FAM83D: variants seen among roughly 807,000 people sequenced by gnomAD.
FAM83D encodes the protein scaffolding CK1 anchoring protein D, also known as protein FAM83D.
In FAM83D, 26 loss-of-function variants were observed where a neutral mutation model predicts 25.4. That is an observed-to-expected ratio of 1.02 (90% confidence interval 0.75 to 1.42). The LOEUF (loss-of-function observed/expected upper bound fraction) is 1.42. FAM83D is among the 40% of genes most tolerant of loss of function. The pLI is 0.00. For synonymous variants in FAM83D, 310 were observed against 318.5 expected (o/e 0.97, Z 0.28); for missense variants, 740 against 758.1 (o/e 0.98, Z 0.28).
In FAM83D at chr20:38,949,005, A is replaced by C. The variant is rs186856181; in HGVS notation, c.776+1005A>C. On this transcript the variant is annotated intron_variant, in intron 3 of 3. Transcript: ENST00000619850. ...AACCTAAGTAGGATTTATCTATATT[A>C]ACCAAACTTAGCTACAAATGGACTT... is the stretch of plus-strand genomic sequence containing the variant. Among the ~76,000 whole-genome samples, 93 of 152,350 alleles carry C rather than the reference A, an allele frequency of 6.1e-4. 2 individuals carry two copies. In the East Asian group the frequency reaches 0.017, roughly 28 times the overall value.
intron 2 of FAM83D, among the ~76,000 whole-genome samples, chr20:38,945,224 T>C (rs888635546): frequency 6.6e-6 from 1 of 152,114 alleles, no homozygotes; most frequent in African/African-American, 2.4e-5. Context: ...CATTCAGATG[T>C]GTGTCAAAGG....
chr20:38,932,685 A>C (rs1289937531), intron 1 of FAM83D, among the ~76,000 whole-genome samples: 1 of 152,156 alleles, frequency 6.6e-6, no homozygotes, highest in African/African-American at 2.4e-5. Context: ...GCCTGCCTGG[A>C]AGGGCTACAT....
intron 1 of FAM83D, among the ~76,000 whole-genome samples, chr20:38,938,204 G>A (rs891070954): frequency 2.6e-5 from 4 of 152,266 alleles, no homozygotes; most frequent in Non-Finnish European, 5.9e-5. Context: ...CAATTGTTTT[G>A]TTAAGTGGTG....
chr20:38,941,452 A>T (rs1287539834), intron 1 of FAM83D, among the ~76,000 whole-genome samples: 1 of 152,218 alleles, frequency 6.6e-6, no homozygotes, highest in African/African-American at 2.4e-5. Flanking sequence ...ATAATTTAAA[A>T]AATAGATTTC....
In FAM83D at chr20:38,926,644, A is replaced by C. The variant is rs1286558295; in HGVS notation, c.202A>C (p.Ile68Leu). 5.9e-6 allele frequency: 9 copies of C among 1,536,962 alleles called. No individual in the cohort carries two copies. The highest frequency in any genetic ancestry group is 7.8e-6 in the Non-Finnish European group (9 of 1,147,134). The change falls in exon 1 of 4, where the codon ATT (isoleucine) becomes CTT (leucine). Residue 68 changes from isoleucine to leucine, a missense_variant. By Grantham distance (5) the Ile-to-Leu change is conservative. This residue lies in a region of FAM83D where 333 missense variants were observed against 298.6 expected (regional missense o/e 1.12). Coordinates refer to ENST00000619850, the MANE Select transcript of FAM83D (RefSeq NM_030919.3). Reference protein sequence around the residue: ...RFLNPDEVHAILRAAERPGEE... With the variant: ...RFLNPDEVHALLRAAERPGEE... Reference sequence around the variant, plus strand: ...CCTGAACCCCGATGAGGTGCACGCCATTCTGCGCGCGGCGGAGAGGCCGGG... The same window carrying C: ...CCTGAACCCCGATGAGGTGCACGCCCTTCTGCGCGCGGCGGAGAGGCCGGG...
intron 1 of FAM83D, among the ~76,000 whole-genome samples, chr20:38,935,477 C>A (rs1216071812): frequency 6.6e-6 from 1 of 152,222 alleles, no homozygotes; most frequent in Non-Finnish European, 1.5e-5. Flanking sequence ...AGTTCTCATT[C>A]TGTTGCCCAG....
intron 1 of FAM83D, among the ~76,000 whole-genome samples, chr20:38,930,110 G>T (rs1249640521): frequency 6.6e-6 from 1 of 152,264 alleles, no homozygotes; most frequent in Non-Finnish European, 1.5e-5. Flanking sequence ...GGACAAGGGA[G>T]TGGCTGTGTC....
At position 38,934,061 on chromosome 20, in the gene FAM83D, G is replaced by A. The variant is rs544977035; in HGVS notation, c.483+7136G>A. ...AGTAGAAACAGGGTTTCACCATGTCGGCCAGCATGGTCTCAAGCTCCTGAC... is the reference window on the plus strand; with the variant it reads ...AGTAGAAACAGGGTTTCACCATGTCAGCCAGCATGGTCTCAAGCTCCTGAC... On this transcript the variant is annotated intron_variant, in intron 1 of 3. Transcript: ENST00000619850. Among the ~76,000 whole-genome samples, 360 of 151,962 alleles carry A rather than the reference G, an allele frequency of 2.4e-3. 1 individual carries two copies. The highest frequency in any genetic ancestry group is 8.2e-3 in the African/African-American group (341 of 41,446).
chr20:38,944,864 G>A (rs994294636), intron 2 of FAM83D, among the ~76,000 whole-genome samples: 5 of 151,798 alleles, frequency 3.3e-5, no homozygotes, highest in East Asian at 1.9e-4. Flanking sequence ...GCTTGAACCC[G>A]GGAGGCAGAG....
At chr20:38,941,446 TTTAAAAAATAG>T (rs1230532735) in intron 1 of FAM83D, among the ~76,000 whole-genome samples, 2 of 152,162 alleles carry the variant, frequency 1.3e-5, no homozygotes, top group African/African-American at 4.8e-5. Flanking sequence ...CAGACAATAA[TTTAAAAAATAG>T]ATTTCGAGAA....
intron 2 of FAM83D, among the ~76,000 whole-genome samples, chr20:38,945,499 A>G (rs1362340087): frequency 6.6e-6 from 1 of 152,194 alleles, no homozygotes; most frequent in East Asian, 1.9e-4. Flanking sequence ...CCACATGTTA[A>G]CATCTTACAA....
intron 2 of FAM83D, among the ~76,000 whole-genome samples, chr20:38,944,922 G>C (rs2085720394): frequency 6.7e-6 from 1 of 149,910 alleles, no homozygotes; most frequent in Non-Finnish European, 1.5e-5. Context: ...CTGGGCAACA[G>C]AGAGAGACTC....
At chr20:38,945,193 C>T (rs191438124) in intron 2 of FAM83D, among the ~76,000 whole-genome samples, 4 of 152,168 alleles carry the variant, frequency 2.6e-5, no homozygotes, top group East Asian at 1.9e-4. Context: ...GCTTTGGCCA[C>T]GATCACAGAG....
intron 3 of FAM83D, among the ~76,000 whole-genome samples, chr20:38,949,125 G>A (rs2085741832): frequency 6.6e-6 from 1 of 151,736 alleles, no homozygotes; most frequent in Non-Finnish European, 1.5e-5. Flanking sequence ...TCTTGGTGTT[G>A]GATAGGTGCT....
At chr20:38,949,472 A>C (rs2085743532) in intron 3 of FAM83D, among the ~76,000 whole-genome samples, 1 of 152,076 alleles carries the variant, frequency 6.6e-6, no homozygotes, top group South Asian at 2.1e-4. Flanking sequence ...GCCTCATTGA[A>C]GGCTTTCAAA....
chr20:38,930,468 T>A (rs2085654296), intron 1 of FAM83D, among the ~76,000 whole-genome samples: 1 of 151,086 alleles, frequency 6.6e-6, no homozygotes, highest in Non-Finnish European at 1.5e-5. Context: ...GCTCAAGTGT[T>A]TTTTTTTTGT....
At position 38,926,439 on chromosome 20, in the gene FAM83D, C is replaced by G; in HGVS notation, c.-4C>G. The G allele has an allele frequency of 6.3e-7, 1 of 1,598,352 alleles. No homozygotes were observed. Among genetic ancestry groups the G allele is most frequent in the South Asian group, 1.1e-5 (1 of 90,922 alleles). Reference sequence around the variant, plus strand: ...TCCGAGGGCTGTCGAGTCCGAGCGCCGCCATGGCTCTGCTGTCCGAGGGCC... The same window carrying G: ...TCCGAGGGCTGTCGAGTCCGAGCGCGGCCATGGCTCTGCTGTCCGAGGGCC... On this transcript the variant is annotated 5_prime_UTR_variant, in exon 1 of 4. Transcript: ENST00000619850.
At chr20:38,932,699 C>A (rs1206575218) in intron 1 of FAM83D, among the ~76,000 whole-genome samples, 2 of 152,220 alleles carry the variant, frequency 1.3e-5, no homozygotes, top group African/African-American at 4.8e-5. Context: ...GCTACATAGC[C>A]TCATTTTGGC....
Position 38,951,751 on chromosome 20 carries a change from T to C in FAM83D, c.989T>C (p.Leu330Pro), listed in dbSNP as rs771217423. ...QSKELTLGNL[L>P]RMRLARLSST... ...AAGGAGCTCACCCTGGGCAACCTGC[T>C]GCGGATGCGGCTGGCTAGGCTGTCA... is the stretch of plus-strand genomic sequence containing the variant. The change falls in exon 4 of 4, where the codon CTG becomes CCG. Residue 330 changes from leucine to proline, a missense_variant. By Grantham distance (98) the Leu-to-Pro change is moderately conservative. Coordinates refer to ENST00000619850, the MANE Select transcript of FAM83D (RefSeq NM_030919.3). The C allele has an allele frequency of 6.2e-7, 1 of 1,614,172 alleles. No homozygotes were observed. The highest frequency in any genetic ancestry group is 1.3e-5 in the African/African-American group (1 of 75,042).
Sources: gnomAD v4.1 joint callset for allele counts (sites outside exome capture counted in the v4.1 genomes callset) on GRCh38, gnomAD v4.1.1 for gene constraint, gnomAD v4.1.1 regional missense constraint, MANE v1.5 for transcripts, NCBI Gene and HGNC (gene_info 2026-07-23, HGNC 2026-07-21) for gene names.